CNTLN: variants seen among roughly 807,000 people sequenced by gnomAD.
The protein encoded by CNTLN is centlein, centrosomal protein.
In CNTLN, 212 loss-of-function variants were observed where a neutral mutation model predicts 180.0. That is an observed-to-expected ratio of 1.18 (90% CI 1.05 to 1.32). The LOEUF (loss-of-function observed/expected upper bound fraction) is 1.32, where lower values mean the gene tolerates loss of function less well. CNTLN is among the 40% of genes most tolerant of loss of function. The probability of loss-of-function intolerance (pLI) is 0.00; values close to 1 mark genes in which losing one functional copy is unlikely to be tolerated. For missense variants in CNTLN, 2,095 were observed against 1,610.9 expected (o/e 1.30, Z -5.14); for synonymous variants, 722 against 563.1 (o/e 1.28, Z -3.99).
intron 8 of CNTLN, among the ~76,000 whole-genome samples, chr9:17,317,915 C>T (rs1238270153): frequency 6.6e-6 from 1 of 151,992 alleles, no homozygotes; most frequent in Admixed American, 6.5e-5. Flanking sequence ...AGATTTTACT[C>T]TGAGTGAAAT....
intron 2 of CNTLN, among the ~76,000 whole-genome samples, chr9:17,211,984 G>A (rs143133491): frequency 0.037 from 5,678 of 152,120 alleles, 340 homozygotes; most frequent in African/African-American, 0.13. Flanking sequence ...TAAATATACA[G>A]TCATGTCGTC....
chr9:17,285,160 C>T (rs974331061), intron 6 of CNTLN, among the ~76,000 whole-genome samples: 1 of 117,948 alleles, frequency 8.5e-6, no homozygotes, highest in Non-Finnish European at 1.7e-5. Flanking sequence ...CCCCCTCCCC[C>T]CACCCCACCA....
intron 2 of CNTLN, among the ~76,000 whole-genome samples, chr9:17,196,640 TTTAAA>T (rs1822151675): frequency 1.3e-5 from 2 of 151,246 alleles, no homozygotes; most frequent in African/African-American, 2.4e-5. Flanking sequence ...GATTTTTAAA[TTTAAA>T]TTAAATTAAT....
chr9:17,149,067 GT>G (rs1313588025), intron 2 of CNTLN, among the ~76,000 whole-genome samples: 1 of 152,126 alleles, frequency 6.6e-6, no homozygotes, highest in African/African-American at 2.4e-5. Context: ...AACATGCAGT[GT>G]TTGGTTTTCT....
At chr9:17,318,174 C>T (rs1270884950) in intron 8 of CNTLN, among the ~76,000 whole-genome samples, 1 of 151,658 alleles carries the variant, frequency 6.6e-6, no homozygotes, top group African/African-American at 2.4e-5. Context: ...ACTACAGGCG[C>T]CCACCACCAC....
intron 2 of CNTLN, among the ~76,000 whole-genome samples, chr9:17,198,382 CTTTCT>C (rs1251459468): frequency 8.5e-6 from 1 of 117,594 alleles, no homozygotes; most frequent in Non-Finnish European, 1.8e-5. Context: ...AATGTCTTTT[CTTTCT>C]TTTTTTTTTT....
intron 12 of CNTLN, among the ~76,000 whole-genome samples, chr9:17,351,381 A>T (rs1391153745): frequency 6.6e-6 from 1 of 152,212 alleles, no homozygotes; most frequent in Non-Finnish European, 1.5e-5. Context: ...GCAACTAAGT[A>T]TATCCAAATG....
intron 2 of CNTLN, among the ~76,000 whole-genome samples, chr9:17,212,243 T>G (rs1283442291): frequency 2.0e-5 from 3 of 152,224 alleles, no homozygotes; most frequent in Non-Finnish European, 4.4e-5. Context: ...ATACCTAATT[T>G]ATTGAGAGTT....
At chr9:17,235,859 C>G in intron 4 of CNTLN, 67 bp downstream of exon 4, 1 of 1,500,598 alleles carries the variant, frequency 6.7e-7, no homozygotes, top group Non-Finnish European at 8.9e-7. Context: ...CTTTGTTAGC[C>G]TTTGTGGCAC....
rs551664960 is a variant in CNTLN at position 17,249,376 on chromosome 9, T to G, written c.849+12788T>G. ...TTTGTTTTTTTTTTTTGAGCTGGAG[T>G]CTCGCTCTATCACCCAGGCTGGAGT... On this transcript the variant is annotated intron_variant, in intron 5 of 25. Transcript: ENST00000380647. Among the ~76,000 whole-genome samples the G allele has an allele frequency of 8.7e-5, 12 of 138,080 alleles. No individual in the cohort carries two copies. The East Asian group carries it at 2.5e-3, about 28-fold the overall frequency. The allele number at this position is 138,080 out of a possible 152,430, so 90.6% of individuals were successfully genotyped here.
intron 12 of CNTLN, 62 bp from the exon 13 acceptor site, chr9:17,366,555 A>G (rs1244087176): frequency 2.7e-6 from 2 of 735,924 alleles, no homozygotes; most frequent in Non-Finnish European, 4.6e-6. Context: ...TTAAATGTAT[A>G]TGTTTGATTT....
intron 13 of CNTLN, among the ~76,000 whole-genome samples, chr9:17,386,901 A>G (rs1825726205): frequency 6.6e-6 from 1 of 152,228 alleles, no homozygotes; most frequent in African/African-American, 2.4e-5. Context: ...TATTATTTCT[A>G]TACTGCTGAA....
intron 5 of CNTLN, among the ~76,000 whole-genome samples, chr9:17,267,304 G>A (rs954122330): frequency 2.0e-4 from 31 of 152,208 alleles, no homozygotes; most frequent in East Asian, 7.7e-4. Context: ...ATGAAGGTTA[G>A]GTTGGCTGGA....
chr9:17,483,071 A>G (rs1475687139), intron 23 of CNTLN, among the ~76,000 whole-genome samples: 1 of 152,134 alleles, frequency 6.6e-6, no homozygotes, highest in African/African-American at 2.4e-5. Context: ...GTGACATCAA[A>G]CAGTACTGTC....
intron 20 of CNTLN, 22 bp downstream of exon 20, chr9:17,463,035 C>G: frequency 6.8e-7 from 1 of 1,474,288 alleles, no homozygotes; most frequent in Non-Finnish European, 9.3e-7. Context: ...GTATTTCTAT[C>G]CATTGTATTT....
chr9:17,266,389 T>C (rs1335696748), intron 5 of CNTLN, among the ~76,000 whole-genome samples: 1 of 152,206 alleles, frequency 6.6e-6, no homozygotes, highest in African/African-American at 2.4e-5. Flanking sequence ...TTGATTGCAC[T>C]GTGGTCTGAG....
At chr9:17,415,758 A>T in intron 16 of CNTLN, 30 bp from the exon 17 acceptor site, 1 of 1,291,188 alleles carries the variant, frequency 7.7e-7, no homozygotes, top group Non-Finnish European at 1.1e-6. Context: ...TTGAAGAATA[A>T]TACCATTTTT....
At chr9:17,406,594 A>G (rs960971344) in intron 15 of CNTLN, among the ~76,000 whole-genome samples, 1 of 151,552 alleles carries the variant, frequency 6.6e-6, no homozygotes, top group African/African-American at 2.4e-5. Context: ...CCTTCCTCTT[A>G]TCTTGCTCAT....
At chr9:17,199,366 C>T (rs1009881937) in intron 2 of CNTLN, among the ~76,000 whole-genome samples, 1 of 151,946 alleles carries the variant, frequency 6.6e-6, no homozygotes, top group Non-Finnish European at 1.5e-5. Context: ...CATGTGCCAC[C>T]ACACCTGGCT....
Sources: allele counts gnomAD v4.1 joint callset (sites outside exome capture counted in the v4.1 genomes callset), GRCh38; gene constraint gnomAD v4.1.1; transcripts MANE v1.5; gene names NCBI Gene and HGNC (gene_info 2026-07-23, HGNC 2026-07-21).